Variants in CCT6A observed in about 807,000 individuals in gnomAD.
CCT6A encodes the protein T-complex protein 1 subunit zeta.
In CCT6A, 6 loss-of-function variants were observed where a neutral mutation model predicts 58.6. The ratio of observed to expected loss-of-function variants is 0.10; its 90% CI spans 0.06 to 0.20. CCT6A has a LOEUF of 0.20. Ranked by LOEUF, CCT6A falls within the 10% of genes least tolerant of loss-of-function variation. The probability of loss-of-function intolerance (pLI) is 1.00; values close to 1 mark genes in which losing one functional copy is unlikely to be tolerated. For missense variants in CCT6A, 516 were observed against 648.8 expected, an observed-to-expected ratio of 0.80 and a Z score of 2.22; for synonymous variants, 245 against 227.8, an observed-to-expected ratio of 1.08 and a Z score of -0.68.
chr7:56,060,471 C>A, intron 10 of CCT6A, 55 bp downstream of exon 10: 1 of 1,560,734 alleles, frequency 6.4e-7, no homozygotes, highest in Non-Finnish European at 8.8e-7. Context: ...GTCTGAAAGG[C>A]ATGGCCGAAT....
intron 5 of CCT6A, among the ~76,000 whole-genome samples, chr7:56,057,151 G>T (rs1476845840): frequency 6.6e-5 from 10 of 152,102 alleles, no homozygotes; most frequent in Non-Finnish European, 1.5e-4. Flanking sequence ...TGGATAAACT[G>T]CTAGGAGAAT....
rs750043810 is a variant in CCT6A, at chr7:56,060,780, C to T, written c.1214-27C>T. 6.7e-5 allele frequency: 107 copies of T among 1,589,448 alleles called. 2 individuals are homozygous for T. In the South Asian group the frequency reaches 1.2e-3, roughly 17 times the overall value. ...ATAATTAGTTCTGCAGTTTTCTTAG[C>T]ATTTTTCCTTTTCCCCCATCCAACA... On this transcript the variant is annotated intron_variant, in intron 10 of 13. Transcript: ENST00000275603.
chr7:56,058,298 C>T (rs1407211775), intron 6 of CCT6A, 64 bp from the exon 7 acceptor site: 33 of 1,227,678 alleles, frequency 2.7e-5, no homozygotes, highest in Non-Finnish European at 2.3e-6. Flanking sequence ...TAGGACTAAT[C>T]CAGTTTCAGA....
At chr7:56,062,967 A>G (rs746594791) in intron 13 of CCT6A, 46 bp from the exon 14 acceptor site, 1 of 1,447,722 alleles carries the variant, frequency 6.9e-7, no homozygotes, top group East Asian at 2.3e-5. Context: ...GAGTCGAATT[A>G]GGGCTCCTAA....
At position 56,063,225 on chromosome 7, in the gene CCT6A, T is replaced by C. The variant is rs1794513347; in HGVS notation, c.*140T>C. On this transcript the variant is annotated 3_prime_UTR_variant, in exon 14 of 14. Transcript: ENST00000275603. ...AAAAAGGAGAGAACACTGGCATCTG[T>C]TGAAATTTGGAAGTTCTGAAATTAT... 3.0e-6 allele frequency: 2 copies of C among 662,202 alleles called. No individual in the cohort carries two copies. Among genetic ancestry groups the C allele is most frequent in the Admixed American group, 5.3e-5 (2 of 37,728 alleles). 41.0% of individuals were successfully genotyped at this position (662,202 alleles called of 1,614,324 possible).
At chr7:56,057,570 C>T (rs920935597) in intron 5 of CCT6A, among the ~76,000 whole-genome samples, 2 of 152,110 alleles carry the variant, frequency 1.3e-5, no homozygotes, top group Admixed American at 6.6e-5. Context: ...TTCTGTACAG[C>T]GTAGGATCTT....
chr7:56,062,046 T>C (rs1584553751), intron 12 of CCT6A, 197 bp downstream of exon 12: 1 of 425,756 alleles, frequency 2.3e-6, no homozygotes, highest in East Asian at 4.2e-5. Flanking sequence ...TAGACATGAG[T>C]AATTTGGGGA....
chr7:56,060,186 A>G, intron 9 of CCT6A, 83 bp from the exon 10 acceptor site: 1 of 1,173,184 alleles, frequency 8.5e-7, no homozygotes, highest in Non-Finnish European at 1.2e-6. Flanking sequence ...TTAATATGCT[A>G]CTTGTCATTC....
chr7:56,063,143 A>G lies in CCT6A; in HGVS notation c.*58A>G. ...ACTGCAAAGTGATCCTGAGGATTAC[A>G]GCTGTGGAATTTTTGTCCAAGCTTC... On this transcript the variant is annotated 3_prime_UTR_variant, in exon 14 of 14. Transcript: ENST00000275603. 4 of 1,194,310 alleles carry G rather than the reference A, an allele frequency of 3.3e-6. No homozygotes were observed. The highest frequency in any genetic ancestry group is 5.0e-6 in the Non-Finnish European group (4 of 802,920). 74.0% of individuals were successfully genotyped at this position (1,194,310 alleles called of 1,614,324 possible). A position where few individuals can be genotyped will look rare whatever the true frequency, so the allele number is the denominator to read the frequency against.
In CCT6A at chr7:56,054,335, T is replaced by C. The variant is rs199960641; in HGVS notation, c.202-34T>C. 129 of 1,563,376 alleles carry C rather than the reference T, an allele frequency of 8.3e-5. No homozygotes were observed. The African/African-American group carries it at 1.3e-3, about 16-fold the overall frequency. On this transcript the variant is annotated intron_variant, in intron 2 of 13. Coordinates refer to ENST00000275603, the MANE Select transcript of CCT6A (RefSeq NM_001762.4). ...GTGGTATATTTAGACTGCTTCATAT[T>C]GTTTTAAGTGATTCATTCTTTTTCT...
intron 12 of CCT6A, 48 bp from the exon 13 acceptor site, chr7:56,062,635 G>A (rs2117353178): frequency 7.0e-7 from 1 of 1,438,152 alleles, no homozygotes. Context: ...ACACAATATT[G>A]TTGGTTCTTA....
At chr7:56,057,484 G>A (rs1315494076) in intron 5 of CCT6A, among the ~76,000 whole-genome samples, 1 of 152,086 alleles carries the variant, frequency 6.6e-6, no homozygotes, top group African/African-American at 2.4e-5. Context: ...GATTACAGGT[G>A]CTTGGTAGAA....
At chr7:56,060,246 A>C (rs1439669274) in intron 9 of CCT6A, 23 bp from the exon 10 acceptor site, 1 of 1,607,444 alleles carries the variant, frequency 6.2e-7, no homozygotes, top group East Asian at 2.2e-5. Flanking sequence ...TGTTTTTGAA[A>C]ATCATATTTT....
intron 1 of CCT6A, among the ~76,000 whole-genome samples, 171 bp from the exon 2 acceptor site, chr7:56,052,251 G>A (rs7779821): frequency 0.19 from 28,632 of 152,210 alleles, 2,912 homozygotes; most frequent in African/African-American, 0.24. Context: ...TGAGGACTCG[G>A]CACAATCTCT....
At chr7:56,062,469 G>A (rs1794473760) in intron 12 of CCT6A, 2 of 604,374 alleles carry the variant, frequency 3.3e-6, no homozygotes, top group Admixed American at 2.9e-5. Context: ...CAGAAGAAGA[G>A]AGGGGTGTTC....
intron 2 of CCT6A, among the ~76,000 whole-genome samples, chr7:56,053,269 A>G (rs571264763): frequency 3.9e-5 from 6 of 152,334 alleles, no homozygotes; most frequent in Admixed American, 3.9e-4. Flanking sequence ...CAAGAAAAGG[A>G]AATTATTTCC....
intron 12 of CCT6A, 167 bp from the exon 13 acceptor site, chr7:56,062,516 T>C (rs1282738008): frequency 3.1e-6 from 2 of 651,178 alleles, no homozygotes; most frequent in Non-Finnish European, 5.5e-6. Context: ...TCATCAAATA[T>C]TGTGGACGGG....
chr7:56,056,730 AAAAAAC>A (rs980051069), intron 5 of CCT6A, among the ~76,000 whole-genome samples: 4 of 151,798 alleles, frequency 2.6e-5, no homozygotes, highest in Admixed American at 6.6e-5. Context: ...CCCATTAAAA[AAAAAAC>A]AAAAACAAAA....
In CCT6A at chr7:56,063,194, A is replaced by G; in HGVS notation, c.*109A>G. The G allele has an allele frequency of 2.5e-6, 2 of 807,650 alleles. No individual in the cohort carries two copies. Among genetic ancestry groups the G allele is most frequent in the Admixed American group, 4.1e-5 (2 of 48,304 alleles). The allele number at this position is 807,650 out of a possible 1,614,324, so 50.0% of individuals were successfully genotyped here. ...AAATAATTTTGAAAGAAATTTTCCC[A>G]TATGAAAAAAGGAGAGAACACTGGC... On this transcript the variant is annotated 3_prime_UTR_variant, in exon 14 of 14. Coordinates refer to ENST00000275603, the MANE Select transcript of CCT6A (RefSeq NM_001762.4).
Sources: gnomAD v4.1 joint callset for allele counts (sites outside exome capture counted in the v4.1 genomes callset) on GRCh38, gnomAD v4.1.1 for gene constraint, MANE v1.5 for transcripts, NCBI Gene and HGNC (gene_info 2026-07-23, HGNC 2026-07-21) for gene names.